Variants in MIPOL1 observed in about 807,000 individuals in gnomAD.
MIPOL1 encodes mirror-image polydactyly 1, also known as mirror-image polydactyly gene 1 protein.
In MIPOL1, 57 loss-of-function variants were observed where a neutral mutation model predicts 60.9. That is an observed-to-expected ratio of 0.94 (90% CI 0.76 to 1.17). MIPOL1 has a LOEUF of 1.17. Among genes scored for constraint, MIPOL1 ranks in the 50% most tolerant of loss-of-function variants. The probability of loss-of-function intolerance (pLI) is 0.00; values close to 1 mark genes in which losing one functional copy is unlikely to be tolerated. For synonymous variants in MIPOL1, 179 were observed against 168.8 expected (o/e 1.06, Z -0.47); for missense variants, 551 against 511.6 (o/e 1.08, Z -0.74).
intron 7 of MIPOL1, among the ~76,000 whole-genome samples, chr14:37,287,946 T>C (rs1245185877): frequency 6.6e-6 from 1 of 152,046 alleles, no homozygotes; most frequent in Non-Finnish European, 1.5e-5. Context: ...TCTCGTAAAT[T>C]GTTTCAATTG....
chr14:37,284,710 A>C (rs1459798504), intron 6 of MIPOL1, among the ~76,000 whole-genome samples: 2 of 152,112 alleles, frequency 1.3e-5, no homozygotes, highest in Non-Finnish European at 2.9e-5. Flanking sequence ...TTTACTTTGA[A>C]ACTTGCTATT....
At chr14:37,467,515 TGTG>T (rs1016254409) in intron 11 of MIPOL1, among the ~76,000 whole-genome samples, 5 of 152,102 alleles carry the variant, frequency 3.3e-5, no homozygotes, top group African/African-American at 1.2e-4. Flanking sequence ...TATAATAAGT[TGTG>T]GTGAAGTGAT....
At chr14:37,518,662 T>G (rs1019542623) in intron 12 of MIPOL1, among the ~76,000 whole-genome samples, 2 of 152,206 alleles carry the variant, frequency 1.3e-5, no homozygotes, top group Admixed American at 6.5e-5. Flanking sequence ...ATATTTTTCT[T>G]AGCTCTATCC....
At chr14:37,530,326 T>C (rs1404130105) in intron 12 of MIPOL1, among the ~76,000 whole-genome samples, 1 of 152,122 alleles carries the variant, frequency 6.6e-6, no homozygotes, top group Non-Finnish European at 1.5e-5. Flanking sequence ...TATAAACTTA[T>C]GAGAAAAAAT....
chr14:37,481,395 G>A (rs1275728073), intron 11 of MIPOL1, among the ~76,000 whole-genome samples: 1 of 151,960 alleles, frequency 6.6e-6, no homozygotes, highest in Non-Finnish European at 1.5e-5. Flanking sequence ...ATAAGTGGAA[G>A]GATATCTCAT....
Position 37,346,424 on chromosome 14 carries a change from G to A in MIPOL1, c.829-23093G>A, listed in dbSNP as rs563122355. ...ACCTTCTATTCCTTTTATACTGGTAGCCATGGAAACAACCCAAATATGCAA... is the reference window on the plus strand; with the variant it reads ...ACCTTCTATTCCTTTTATACTGGTAACCATGGAAACAACCCAAATATGCAA... On this transcript the variant is annotated intron_variant, in intron 9 of 12. Coordinates refer to ENST00000684589, the MANE Select transcript of MIPOL1 (RefSeq NM_001388067.1). Among the ~76,000 whole-genome samples the A allele has an allele frequency of 6.6e-5, 10 of 152,226 alleles. No homozygotes were observed. The East Asian group carries it at 1.4e-3, about 21-fold the overall frequency.
chr14:37,417,198 C>T (rs1054643340), intron 10 of MIPOL1, among the ~76,000 whole-genome samples: 1 of 152,168 alleles, frequency 6.6e-6, no homozygotes, highest in Non-Finnish European at 1.5e-5. Context: ...TTCTGGCATA[C>T]ATCTCTCTCC....
At chr14:37,206,238 T>C (rs536432135) in intron 1 of MIPOL1, among the ~76,000 whole-genome samples, 1 of 152,276 alleles carries the variant, frequency 6.6e-6, no homozygotes, top group African/African-American at 2.4e-5. Context: ...CTTGGTACCC[T>C]GTGTCCCAGA....
intron 11 of MIPOL1, among the ~76,000 whole-genome samples, chr14:37,439,942 T>C (rs1170756915): frequency 6.6e-6 from 1 of 152,112 alleles, no homozygotes; most frequent in Non-Finnish European, 1.5e-5. Flanking sequence ...CACTGCAGCC[T>C]CCCCCTCCAA....
At chr14:37,222,071 T>C (rs1389785710) in intron 1 of MIPOL1, among the ~76,000 whole-genome samples, 2 of 152,286 alleles carry the variant, frequency 1.3e-5, no homozygotes, top group East Asian at 3.9e-4. Context: ...CCTCTCCCAC[T>C]GTGAGTCTGT....
intron 10 of MIPOL1, among the ~76,000 whole-genome samples, chr14:37,393,275 C>T (rs2093292593): frequency 1.3e-5 from 2 of 151,948 alleles, no homozygotes; most frequent in South Asian, 4.1e-4. Context: ...TTAAGCCACC[C>T]AATTTGTGGT....
intron 9 of MIPOL1, among the ~76,000 whole-genome samples, chr14:37,318,816 TTTATTTATTTAG>T (rs1191917590): frequency 4.8e-5 from 7 of 147,194 alleles, no homozygotes; most frequent in Non-Finnish European, 7.4e-5. Context: ...TATTTATTTA[TTTATTTATTTAG>T]TTAGTTAGTT....
At chr14:37,394,084 A>ATATATATATATATATATATATATATCTC (rs1491106712) in intron 10 of MIPOL1, among the ~76,000 whole-genome samples, 1 of 134,674 alleles carries the variant, frequency 7.4e-6, no homozygotes, top group African/African-American at 2.8e-5. Context: ...ATATATATAT[A>ATATATATATATATATATATATATATCTC]TCTCCATGTT....
chr14:37,356,883 G>C (rs1025733880), intron 9 of MIPOL1, among the ~76,000 whole-genome samples: 17 of 152,294 alleles, frequency 1.1e-4, no homozygotes, highest in African/African-American at 3.4e-4. Context: ...CGGCCACGCT[G>C]GGAGCTGTAG....
At chr14:37,247,691 A>G in intron 2 of MIPOL1, 138 bp from the exon 3 acceptor site, 1 of 522,544 alleles carries the variant, frequency 1.9e-6, no homozygotes, top group South Asian at 2.9e-5. Context: ...TCCTGTTGAA[A>G]TTCTCAGTTA....
intron 1 of MIPOL1, among the ~76,000 whole-genome samples, chr14:37,217,828 A>C (rs1212653430): frequency 1.3e-5 from 2 of 152,220 alleles, no homozygotes; most frequent in Non-Finnish European, 2.9e-5. Context: ...GAAATCTGGA[A>C]CATGATAAGG....
intron 10 of MIPOL1, 108 bp from the exon 11 acceptor site, chr14:37,422,747 T>G (rs541434424): frequency 1.2e-5 from 4 of 346,570 alleles, no homozygotes; most frequent in Non-Finnish European, 5.1e-6. Context: ...CATTCATAGG[T>G]TTTTTTTTTT....
chr14:37,505,937 C>A (rs2095271699), intron 12 of MIPOL1: 1 of 139,204 alleles, frequency 7.2e-6, no homozygotes, highest in Non-Finnish European at 1.5e-5. Context: ...GTGCAAAAAT[C>A]ACAGGCATTC....
chr14:37,440,885 A>G (rs1384931703), intron 11 of MIPOL1, among the ~76,000 whole-genome samples: 2 of 152,148 alleles, frequency 1.3e-5, no homozygotes, highest in Non-Finnish European at 2.9e-5. Flanking sequence ...CACCAATAGT[A>G]TATGAGTTCG....
Sources: allele counts gnomAD v4.1 joint callset (sites outside exome capture counted in the v4.1 genomes callset), GRCh38; gene constraint gnomAD v4.1.1; transcripts MANE v1.5; gene names NCBI Gene and HGNC (gene_info 2026-07-23, HGNC 2026-07-21).